The following CPNE4 variants were observed in gnomAD, a reference collection of about 807,000 sequenced individuals.
CPNE4 encodes copine-4.
CPNE4 carries 25 observed loss-of-function variants against 67.9 expected under a neutral mutation model. That is an observed-to-expected ratio of 0.37 (90% CI 0.27 to 0.51). The LOEUF is 0.51. Among genes scored for constraint, CPNE4 ranks in the 20% least tolerant of loss-of-function variants. The pLI is 0.93. For synonymous variants in CPNE4, 242 were observed against 244.9 expected (o/e 0.99, Z 0.11); for missense variants, 464 against 690.8 (o/e 0.67, Z 3.68).
intron 14 of CPNE4, among the ~76,000 whole-genome samples, chr3:131,547,682 T>G (rs1935947301): frequency 6.6e-6 from 1 of 151,982 alleles, no homozygotes; most frequent in Admixed American, 6.6e-5. Flanking sequence ...TATCCACAGT[T>G]TTATATATTC....
chr3:131,799,846 G>A (rs1398768), intron 2 of CPNE4, among the ~76,000 whole-genome samples: 35,071 of 151,794 alleles, frequency 0.23, 4,761 homozygotes, highest in Middle Eastern at 0.32. Flanking sequence ...AAGTGTAATA[G>A]AGCAGTCTTT....
At chr3:131,604,403 G>A (rs1411800953) in intron 7 of CPNE4, among the ~76,000 whole-genome samples, 3 of 152,120 alleles carry the variant, frequency 2.0e-5, no homozygotes, top group Non-Finnish European at 4.4e-5. Flanking sequence ...TTAATACTGA[G>A]TGTCAACTTG....
intron 2 of CPNE4, among the ~76,000 whole-genome samples, chr3:131,767,099 C>T (rs1192810057): frequency 2.0e-5 from 3 of 152,080 alleles, no homozygotes; most frequent in South Asian, 2.1e-4. Flanking sequence ...ATAACAGAAA[C>T]GTTGAAATCT....
intron 7 of CPNE4, among the ~76,000 whole-genome samples, chr3:131,625,196 T>C (rs2079044337): frequency 6.6e-6 from 1 of 152,158 alleles, no homozygotes; most frequent in African/African-American, 2.4e-5. Flanking sequence ...ACTCCTCCCC[T>C]CAAACATCTA....
chr3:131,968,535 T>A (rs1199454743), intron 1 of CPNE4, among the ~76,000 whole-genome samples: 1 of 152,070 alleles, frequency 6.6e-6, no homozygotes, highest in Non-Finnish European at 1.5e-5. Flanking sequence ...CCATCGAAAG[T>A]GGGCAAAGGA....
chr3:131,698,055 C>A (rs1226261170), intron 4 of CPNE4, among the ~76,000 whole-genome samples: 1 of 151,336 alleles, frequency 6.6e-6, no homozygotes, highest in African/African-American at 2.4e-5. Context: ...CATGGCGAAA[C>A]CCCATCTGTA....
At chr3:131,987,206 C>A (rs542495877) in intron 1 of CPNE4, among the ~76,000 whole-genome samples, 1 of 152,160 alleles carries the variant, frequency 6.6e-6, no homozygotes, top group South Asian at 2.1e-4. Flanking sequence ...AGCTAATAAG[C>A]TAATTAACGA....
chr3:131,789,617 CTA>C (rs1407274280), intron 2 of CPNE4, among the ~76,000 whole-genome samples: 1 of 152,120 alleles, frequency 6.6e-6, no homozygotes, highest in Non-Finnish European at 1.5e-5. Context: ...ATGCTGCACA[CTA>C]TGTCACTGTT....
At chr3:131,961,140 C>T (rs374970558) in intron 1 of CPNE4, among the ~76,000 whole-genome samples, 2 of 152,170 alleles carry the variant, frequency 1.3e-5, no homozygotes, top group African/African-American at 2.4e-5. Context: ...TTTTTCTCCA[C>T]GTGAACATAC....
intron 2 of CPNE4, among the ~76,000 whole-genome samples, chr3:131,766,852 TA>T (rs2083029980): frequency 6.6e-6 from 1 of 152,156 alleles, no homozygotes; most frequent in African/African-American, 2.4e-5. Flanking sequence ...TTTACAATCA[TA>T]TTTAGTGTTT....
At chr3:131,708,634 G>A (rs1167961410) in intron 3 of CPNE4, among the ~76,000 whole-genome samples, 1 of 152,056 alleles carries the variant, frequency 6.6e-6, no homozygotes, top group African/African-American at 2.4e-5. Flanking sequence ...CCAAGGGGGA[G>A]CTGAGGGATG....
intron 1 of CPNE4, among the ~76,000 whole-genome samples, chr3:131,990,869 T>C (rs1181305632): frequency 7.4e-6 from 1 of 135,770 alleles, no homozygotes; most frequent in African/African-American, 2.5e-5. Flanking sequence ...GGTAACTGAA[T>C]CACGGGGGAA....
At chr3:131,943,006 C>T (rs1475126658) in intron 1 of CPNE4, among the ~76,000 whole-genome samples, 2 of 152,240 alleles carry the variant, frequency 1.3e-5, no homozygotes, top group East Asian at 3.9e-4. Flanking sequence ...AAACTATAGG[C>T]TCACAATTCC....
chr3:131,751,074 T>A (rs1165740021), intron 2 of CPNE4, among the ~76,000 whole-genome samples: 1 of 152,134 alleles, frequency 6.6e-6, no homozygotes, highest in Non-Finnish European at 1.5e-5. Context: ...GGTTTTAGAT[T>A]TTTTTCTTTG....
intron 15 of CPNE4, among the ~76,000 whole-genome samples, chr3:131,541,519 A>G (rs960212920): frequency 3.3e-4 from 50 of 152,102 alleles, no homozygotes; most frequent in Admixed American, 7.2e-4. Context: ...ATTAATTTAT[A>G]GAAAACTGAT....
intron 7 of CPNE4, among the ~76,000 whole-genome samples, chr3:131,629,246 G>A (rs2079159080): frequency 6.6e-6 from 1 of 152,080 alleles, no homozygotes. Context: ...AGGAATTCTG[G>A]GAGATACAAT....
At chr3:131,603,548 T>C (rs1047520888) in intron 7 of CPNE4, among the ~76,000 whole-genome samples, 1 of 152,152 alleles carries the variant, frequency 6.6e-6, no homozygotes, top group African/African-American at 2.4e-5. Flanking sequence ...TAGAAATCCA[T>C]ATTTTATTTA....
chr3:131,896,288 G>C (rs1401627268), intron 2 of CPNE4, among the ~76,000 whole-genome samples: 1 of 151,930 alleles, frequency 6.6e-6, no homozygotes, highest in African/African-American at 2.4e-5. Flanking sequence ...ATGATAAAAA[G>C]GGCAGCATAC....
In CPNE4 at chr3:131,535,333, C is replaced by T. The variant is rs758131519; in HGVS notation, c.1540-4G>A. On this transcript the variant is annotated splice_region_variant and splice_polypyrimidine_tract_variant and intron_variant, in intron 15 of 15. Coordinates refer to ENST00000429747, the MANE Select transcript of CPNE4 (RefSeq NM_130808.3). ...TTGCCAGGGCAGCTGGAGATGCCTG[C>T]AGGGAAGAAGAAATCATCATGACGT... The T allele has an allele frequency of 1.7e-5, 28 of 1,609,276 alleles. No individual in the cohort carries two copies. The highest frequency in any genetic ancestry group is 1.3e-4 in the East Asian group (6 of 44,804).
Sources: allele counts gnomAD v4.1 joint callset (sites outside exome capture counted in the v4.1 genomes callset), GRCh38; gene constraint gnomAD v4.1.1; transcripts MANE v1.5; gene names NCBI Gene and HGNC (gene_info 2026-07-23, HGNC 2026-07-21).